Variants in FER observed in about 807,000 individuals in gnomAD.
FER encodes the protein tyrosine-protein kinase Fer.
FER carries 63 observed loss-of-function variants against 111.0 expected under a neutral mutation model. That is an observed-to-expected ratio of 0.57 (90% CI 0.46 to 0.70). The LOEUF (loss-of-function observed/expected upper bound fraction) is 0.70, where lower values mean the gene tolerates loss of function less well. Ranked by LOEUF, FER falls within the 30% of genes least tolerant of loss-of-function variation. FER has a pLI of 0.00. For missense variants in FER, 914 were observed against 954.0 expected, an observed-to-expected ratio of 0.96 and a Z score of 0.55; for synonymous variants, 327 against 313.9, an observed-to-expected ratio of 1.04 and a Z score of -0.44.
chr5:109,058,476 GATT>G (rs941281230), intron 16 of FER, among the ~76,000 whole-genome samples: 30 of 151,972 alleles, frequency 2.0e-4, no homozygotes, highest in Admixed American at 1.6e-3. Flanking sequence ...AGTATTATAA[GATT>G]ATGTGGTATT....
chr5:109,092,250 G>A (rs1470445552), intron 16 of FER, among the ~76,000 whole-genome samples: 2 of 128,250 alleles, frequency 1.6e-5, no homozygotes, highest in Non-Finnish European at 3.2e-5. Context: ...AAATAGACAG[G>A]GAGAGTACAT....
intron 17 of FER, among the ~76,000 whole-genome samples, chr5:109,180,311 A>G (rs76858822): frequency 0.024 from 3,613 of 152,296 alleles, 71 homozygotes; most frequent in East Asian, 0.075. Context: ...TATTTAATGT[A>G]ACTAAAAGTA....
chr5:108,867,888 T>C lies in FER; in HGVS notation c.603T>C (p.Asp201=), dbSNP rs1764230937. 2 of 1,613,406 alleles carry C rather than the reference T, an allele frequency of 1.2e-6. No homozygotes were observed. The highest frequency in any genetic ancestry group is 1.7e-6 in the Non-Finnish European group (2 of 1,179,556). Residue 201 remains aspartate, a synonymous_variant, in exon 6 of 20, where the codon GAT becomes GAC. Transcript: ENST00000281092. ...GAQLHQNQYY[D]ITLPLLLDSL... ...AGCTCCATCAGAATCAGTATTATGA[T>C]ATCACACTTCCCCTGCTTCTGGACT...
intron 9 of FER, among the ~76,000 whole-genome samples, chr5:108,897,356 C>G (rs1749297067): frequency 6.6e-6 from 1 of 152,126 alleles, no homozygotes; most frequent in South Asian, 2.1e-4. Context: ...CCCTATACCT[C>G]TGGACCTAAG....
intron 2 of FER, among the ~76,000 whole-genome samples, chr5:108,772,514 G>T (rs2149971242): frequency 6.6e-6 from 1 of 151,200 alleles, no homozygotes; most frequent in Non-Finnish European, 1.5e-5. Flanking sequence ...TCTCTTCTGG[G>T]AATTGCCTGG....
chr5:108,918,762 C>G (rs1561614034), intron 10 of FER, among the ~76,000 whole-genome samples: 1 of 151,748 alleles, frequency 6.6e-6, no homozygotes, highest in Non-Finnish European at 1.5e-5. Flanking sequence ...GCTGGGATTA[C>G]AGGCGTGAGC....
intron 11 of FER, among the ~76,000 whole-genome samples, chr5:108,948,623 T>C (rs946091955): frequency 6.6e-6 from 1 of 152,080 alleles, no homozygotes; most frequent in African/African-American, 2.4e-5. Context: ...CTACTGGCAA[T>C]CATGAGGGTC....
At chr5:108,927,250 C>CTTTTTTTTTTTT (rs773963733) in intron 10 of FER, among the ~76,000 whole-genome samples, 5 of 95,374 alleles carry the variant, frequency 5.2e-5, no homozygotes, top group African/African-American at 1.5e-4. Flanking sequence ...TGAGAAGTGG[C>CTTTTTTTTTTTT]TCTTTTTTTT....
intron 6 of FER, among the ~76,000 whole-genome samples, chr5:108,869,521 A>C (rs1027984933): frequency 6.6e-6 from 1 of 152,116 alleles, no homozygotes. Flanking sequence ...GTAGGCCCTA[A>C]ATCCAATGGC....
At chr5:109,039,093 T>A (rs2149886402) in intron 14 of FER, among the ~76,000 whole-genome samples, 1 of 152,208 alleles carries the variant, frequency 6.6e-6, no homozygotes, top group Non-Finnish European at 1.5e-5. Flanking sequence ...CTATTTTAAA[T>A]AATCATTTAC....
chr5:109,104,138 T>C (rs1748594530), intron 17 of FER, among the ~76,000 whole-genome samples: 1 of 152,250 alleles, frequency 6.6e-6, no homozygotes, highest in African/African-American at 2.4e-5. Flanking sequence ...ATTCTCTTCA[T>C]GTTTGGTTGC....
At chr5:109,070,826 A>G (rs1346653014) in intron 16 of FER, among the ~76,000 whole-genome samples, 2 of 152,056 alleles carry the variant, frequency 1.3e-5, no homozygotes, top group Non-Finnish European at 2.9e-5. Context: ...GCAATGAAAT[A>G]GAGGCAATTT....
chr5:108,756,156 C>CAAA (rs11341627), intron 1 of FER, among the ~76,000 whole-genome samples: 4 of 121,646 alleles, frequency 3.3e-5, no homozygotes, highest in Admixed American at 9.2e-5. Context: ...AACTCCATCT[C>CAAA]AAAAAAAAAA....
At chr5:108,977,718 G>T (rs999893545) in intron 13 of FER, among the ~76,000 whole-genome samples, 6 of 152,114 alleles carry the variant, frequency 3.9e-5, no homozygotes, top group South Asian at 2.1e-4. Flanking sequence ...AATAAGTCAT[G>T]AATTCCTGTA....
chr5:108,829,433 T>G (rs981476672), intron 3 of FER, among the ~76,000 whole-genome samples: 2 of 151,936 alleles, frequency 1.3e-5, no homozygotes, highest in Non-Finnish European at 2.9e-5. Context: ...AACTCAGGAG[T>G]TTAAGACCAC....
At chr5:108,889,863 G>A (rs796733022) in intron 9 of FER, among the ~76,000 whole-genome samples, 43 of 151,808 alleles carry the variant, frequency 2.8e-4, no homozygotes, top group African/African-American at 8.0e-4. Flanking sequence ...ATGTAGCAGC[G>A]GTGATACATA....
chr5:109,042,629 A>C (rs989984515), intron 14 of FER, among the ~76,000 whole-genome samples: 6 of 152,186 alleles, frequency 3.9e-5, no homozygotes, highest in Non-Finnish European at 5.9e-5. Context: ...TAGGGCAGAA[A>C]CCATTAGAAA....
intron 13 of FER, among the ~76,000 whole-genome samples, chr5:109,034,684 T>C (rs1327520832): frequency 6.6e-6 from 1 of 152,116 alleles, no homozygotes; most frequent in Non-Finnish European, 1.5e-5. Context: ...GTTTTTTCTT[T>C]TTGTGTTTTT....
At chr5:109,183,462 T>A (rs1300728086) in intron 18 of FER, among the ~76,000 whole-genome samples, 1 of 152,186 alleles carries the variant, frequency 6.6e-6, no homozygotes, top group African/African-American at 2.4e-5. Flanking sequence ...TTGGTCAGGC[T>A]GGTCTCGAAC....
Sources: gnomAD v4.1 joint callset for allele counts (sites outside exome capture counted in the v4.1 genomes callset) on GRCh38, gnomAD v4.1.1 for gene constraint, MANE v1.5 for transcripts, NCBI Gene and HGNC (gene_info 2026-07-23, HGNC 2026-07-21) for gene names.